EPB41: variants seen among roughly 807,000 people sequenced by gnomAD.
EPB41 encodes erythrocyte membrane protein band 4.1, also known as protein 4.1.
Under a neutral mutation model 108.0 loss-of-function variants are expected in EPB41, and 65 were observed. That is an observed-to-expected ratio of 0.60 (90% CI 0.49 to 0.74). EPB41 has a LOEUF of 0.74. Among genes scored for constraint, EPB41 ranks in the 30% least tolerant of loss-of-function variants. EPB41 has a pLI of 0.00. For synonymous variants in EPB41, 336 were observed against 358.9 expected (o/e 0.94, Z 0.72); for missense variants, 875 against 1,037.0 (o/e 0.84, Z 2.15).
intron 17 of EPB41, among the ~76,000 whole-genome samples, chr1:29,107,627 C>T (rs1299438105): frequency 6.6e-6 from 1 of 151,660 alleles, no homozygotes; most frequent in Non-Finnish European, 1.5e-5. Flanking sequence ...TGGAGGTGGG[C>T]GGTTCACGAA....
upstream of EPB41, chr1:28,914,418 G>C (rs1306444921): frequency 6.6e-6 from 1 of 152,634 alleles, no homozygotes; most frequent in Non-Finnish European, 1.5e-5. Flanking sequence ...GCTAGAAGTT[G>C]GCCTCAGCCA....
upstream of EPB41, among the ~76,000 whole-genome samples, chr1:28,912,473 T>C (rs1260179340): frequency 6.6e-6 from 1 of 152,114 alleles, no homozygotes; most frequent in Non-Finnish European, 1.5e-5. Context: ...GCTTAACAAA[T>C]ATATTATTAT....
chr1:28,930,943 A>G (rs1026376090), intron 1 of EPB41, among the ~76,000 whole-genome samples: 1 of 152,226 alleles, frequency 6.6e-6, no homozygotes, highest in African/African-American at 2.4e-5. Flanking sequence ...TCTTAAATAC[A>G]TGATACTGAA....
At chr1:29,087,938 A>G (rs1659754914) in intron 16 of EPB41, among the ~76,000 whole-genome samples, 1 of 152,048 alleles carries the variant, frequency 6.6e-6, no homozygotes, top group Non-Finnish European at 1.5e-5. Flanking sequence ...TTTGTCTAAT[A>G]TTCTTTTTTT....
intron 17 of EPB41, among the ~76,000 whole-genome samples, chr1:29,100,792 T>A (rs1379599290): frequency 6.8e-6 from 1 of 146,876 alleles, no homozygotes; most frequent in Non-Finnish European, 1.5e-5. Flanking sequence ...ATTAGCTGGG[T>A]GTGGTGGCAT....
chr1:28,889,506 G>A (rs150482363), intron 1 of EPB41, among the ~76,000 whole-genome samples: 335 of 152,380 alleles, frequency 2.2e-3, no homozygotes, highest in African/African-American at 7.1e-3. Context: ...AGACGAGTGC[G>A]GGTAGAGCCC....
At chr1:29,016,060 G>C (rs1007225658) in intron 6 of EPB41, among the ~76,000 whole-genome samples, 6 of 152,176 alleles carry the variant, frequency 3.9e-5, no homozygotes, top group African/African-American at 9.7e-5. Flanking sequence ...GCTTCTACCA[G>C]CACCCTCCAA....
At chr1:29,031,346 A>T (rs903276914) in intron 8 of EPB41, among the ~76,000 whole-genome samples, 1 of 152,174 alleles carries the variant, frequency 6.6e-6, no homozygotes, top group African/African-American at 2.4e-5. Context: ...ATCACTGAGG[A>T]TGTTCATTAA....
At chr1:28,944,433 T>G (rs1328100277) in intron 1 of EPB41, among the ~76,000 whole-genome samples, 1 of 152,164 alleles carries the variant, frequency 6.6e-6, no homozygotes, top group Non-Finnish European at 1.5e-5. Context: ...CATGATGTGC[T>G]TCTTTCATTT....
intron 7 of EPB41, among the ~76,000 whole-genome samples, chr1:29,019,995 C>A (rs1487088274): frequency 6.6e-6 from 1 of 152,160 alleles, no homozygotes; most frequent in Non-Finnish European, 1.5e-5. Context: ...TCACTAAATA[C>A]ACCACTTTCA....
chr1:28,909,263 T>C (rs958894859), intron 1 of EPB41, among the ~76,000 whole-genome samples: 5 of 151,918 alleles, frequency 3.3e-5, no homozygotes, highest in African/African-American at 9.7e-5. Flanking sequence ...TTTTAACCTA[T>C]AAAATCAGCA....
At chr1:28,996,176 T>C (rs1305928975) in intron 3 of EPB41, among the ~76,000 whole-genome samples, 1 of 152,240 alleles carries the variant, frequency 6.6e-6, no homozygotes, top group Admixed American at 6.5e-5. Context: ...TCAGCTTGTT[T>C]AGCTAGTAAA....
intron 1 of EPB41, among the ~76,000 whole-genome samples, chr1:28,904,904 G>A (rs919998856): frequency 1.3e-5 from 2 of 151,926 alleles, no homozygotes; most frequent in Admixed American, 6.6e-5. Context: ...GGTGGGGGGC[G>A]CCTGTAGTCC....
At chr1:29,104,150 A>G (rs1666366267) in intron 17 of EPB41, among the ~76,000 whole-genome samples, 1 of 152,216 alleles carries the variant, frequency 6.6e-6, no homozygotes, top group Non-Finnish European at 1.5e-5. Flanking sequence ...TGTACCTCAT[A>G]GGATTGTTGT....
At chr1:28,956,096 A>G (rs1196003972) in intron 1 of EPB41, among the ~76,000 whole-genome samples, 1 of 152,224 alleles carries the variant, frequency 6.6e-6, no homozygotes, top group Non-Finnish European at 1.5e-5. Context: ...ATCTGCAGTC[A>G]GTGCTGTGAG....
rs564926108 is a variant in EPB41, at chr1:29,021,364, A to G, written c.1124+2922A>G. ...ATATTGTTCTCCAGCATGCACTTGC[A>G]GCTGGAAGTGCAAGAAAGCCAGCTT... On this transcript the variant is annotated intron_variant, in intron 7 of 20. Transcript: ENST00000343067. 3.3e-5 allele frequency among the ~76,000 whole-genome samples: 5 copies of G among 152,348 alleles called. No homozygotes were observed. The East Asian group carries it at 9.6e-4, about 29-fold the overall frequency.
At chr1:29,032,403 A>C (rs892833070) in intron 8 of EPB41, among the ~76,000 whole-genome samples, 11 of 152,188 alleles carry the variant, frequency 7.2e-5, no homozygotes, top group Non-Finnish European at 1.6e-4. Context: ...GGAAATTCTC[A>C]GTTACATAGT....
chr1:28,986,857 A>G (rs1317960582), intron 1 of EPB41, among the ~76,000 whole-genome samples: 1 of 152,258 alleles, frequency 6.6e-6, no homozygotes, highest in Non-Finnish European at 1.5e-5. Context: ...GCAGTATTTC[A>G]ACTGTATATT....
intron 11 of EPB41, among the ~76,000 whole-genome samples, chr1:29,040,406 G>A (rs111254481): frequency 0.12 from 18,675 of 151,794 alleles, 1,573 homozygotes; most frequent in African/African-American, 0.25. Flanking sequence ...TTAGTCTCCC[G>A]AGTAGCTGTG....
Sources: gnomAD v4.1 joint callset for allele counts (sites outside exome capture counted in the v4.1 genomes callset) on GRCh38, gnomAD v4.1.1 for gene constraint, MANE v1.5 for transcripts, NCBI Gene and HGNC (gene_info 2026-07-23, HGNC 2026-07-21) for gene names.